ITGA8: variants seen among roughly 807,000 people sequenced by gnomAD.
The protein encoded by ITGA8 is integrin alpha-8.
ITGA8 carries 91 observed loss-of-function variants against 142.3 expected under a neutral mutation model. That is an observed-to-expected ratio of 0.64 (90% CI 0.54 to 0.76). The LOEUF is 0.76. ITGA8 is among the 30% of genes least tolerant of loss of function. ITGA8 has a pLI of 0.00. For synonymous variants in ITGA8, 505 were observed against 485.2 expected, an observed-to-expected ratio of 1.04 and a Z score of -0.54; for missense variants, 1,406 against 1,327.7, an observed-to-expected ratio of 1.06 and a Z score of -0.92.
intron 27 of ITGA8, among the ~76,000 whole-genome samples, chr10:15,540,403 T>G (rs1476975794): frequency 1.3e-5 from 2 of 152,208 alleles, no homozygotes; most frequent in Non-Finnish European, 2.9e-5. Context: ...TGTCTTTCTG[T>G]GCCTGGCTTA....
Position 15,548,206 on chromosome 10 carries a change from C to T in ITGA8, c.2880+249G>A, listed in dbSNP as rs1036963933. 2.0e-5 allele frequency among the ~76,000 whole-genome samples: 3 copies of T among 151,830 alleles called. No homozygotes were observed. The South Asian group carries it at 6.2e-4, about 32-fold the overall frequency. On this transcript the variant is annotated intron_variant, in intron 27 of 29. Coordinates refer to ENST00000378076, the MANE Select transcript of ITGA8 (RefSeq NM_003638.3). ...TCCTGGGTTCAAGGGATTCTCATGC[C>T]TCAGTCTCCCAAGTAGCTGGGACCA...
At chr10:15,595,004 T>C (rs1210826330) in intron 21 of ITGA8, among the ~76,000 whole-genome samples, 2 of 152,176 alleles carry the variant, frequency 1.3e-5, no homozygotes, top group East Asian at 3.8e-4. Context: ...TCTCATGGCA[T>C]TGATTTTAAA....
chr10:15,714,011 C>A (rs1308540476), intron 2 of ITGA8, among the ~76,000 whole-genome samples: 1 of 152,162 alleles, frequency 6.6e-6, no homozygotes, highest in Non-Finnish European at 1.5e-5. Context: ...CTTATGTGGG[C>A]TCCTAACTGT....
chr10:15,600,555 G>A (rs1257003080), intron 20 of ITGA8, among the ~76,000 whole-genome samples: 1 of 152,178 alleles, frequency 6.6e-6, no homozygotes, highest in Admixed American at 6.5e-5. Flanking sequence ...ATTTAGCGAT[G>A]AGGCTGAAGA....
At chr10:15,666,752 C>A (rs1259146983) in intron 8 of ITGA8, among the ~76,000 whole-genome samples, 1 of 152,112 alleles carries the variant, frequency 6.6e-6, no homozygotes, top group African/African-American at 2.4e-5. Flanking sequence ...TTGTCAAAGG[C>A]CTTTTCTGCA....
intron 2 of ITGA8, among the ~76,000 whole-genome samples, chr10:15,709,806 G>C (rs980379839): frequency 3.9e-5 from 6 of 152,128 alleles, no homozygotes; most frequent in African/African-American, 1.4e-4. Context: ...AGTTAATCTA[G>C]AATGAAAACA....
intron 26 of ITGA8, among the ~76,000 whole-genome samples, chr10:15,554,514 A>G (rs1208856583): frequency 1.3e-5 from 2 of 151,182 alleles, no homozygotes; most frequent in East Asian, 3.9e-4. Flanking sequence ...TGTCTCCTGT[A>G]TTGGAACTCT....
chr10:15,634,838 G>C (rs1016192157), intron 13 of ITGA8, among the ~76,000 whole-genome samples: 46 of 152,042 alleles, frequency 3.0e-4, no homozygotes, highest in African/African-American at 1.1e-3. Context: ...TTCATTAATA[G>C]CTCATTGTAC....
chr10:15,536,882 T>C (rs1350841870), intron 27 of ITGA8, among the ~76,000 whole-genome samples: 1 of 152,202 alleles, frequency 6.6e-6, no homozygotes, highest in African/African-American at 2.4e-5. Context: ...ACACAAGCTC[T>C]CCCACTCCCA....
chr10:15,655,863 G>A (rs1372802409), intron 10 of ITGA8, among the ~76,000 whole-genome samples: 1 of 152,114 alleles, frequency 6.6e-6, no homozygotes, highest in East Asian at 1.9e-4. Flanking sequence ...AGGCAAGAGG[G>A]TCACTTGAGT....
At chr10:15,661,045 G>A (rs1201399038) in intron 8 of ITGA8, 123 bp from the exon 9 acceptor site, 1 of 879,898 alleles carries the variant, frequency 1.1e-6, no homozygotes, top group Non-Finnish European at 1.8e-6. Context: ...ATACAGAGCA[G>A]GGGTCCCCAA....
intron 12 of ITGA8, among the ~76,000 whole-genome samples, chr10:15,645,271 C>T (rs1833959580): frequency 6.6e-6 from 1 of 152,134 alleles, no homozygotes; most frequent in East Asian, 1.9e-4. Context: ...ATGATTTTAC[C>T]TACTTTGTAT....
chr10:15,620,392 G>A (rs1019137907), intron 13 of ITGA8, among the ~76,000 whole-genome samples: 2 of 152,072 alleles, frequency 1.3e-5, no homozygotes, highest in Admixed American at 6.6e-5. Context: ...GTCATTATAC[G>A]TGAGAATTTG....
At chr10:15,607,161 G>T (rs1241584206) in intron 17 of ITGA8, among the ~76,000 whole-genome samples, 1 of 152,204 alleles carries the variant, frequency 6.6e-6, no homozygotes, top group Non-Finnish European at 1.5e-5. Flanking sequence ...GCAAGGTGAA[G>T]ATAGGTAATT....
intron 19 of ITGA8, among the ~76,000 whole-genome samples, chr10:15,604,943 A>C (rs1267656813): frequency 1.3e-5 from 2 of 152,194 alleles, no homozygotes; most frequent in East Asian, 3.9e-4. Flanking sequence ...TTAGAACTGC[A>C]AATCAAGCCA....
At chr10:15,707,390 A>C (rs1835279480) in intron 2 of ITGA8, among the ~76,000 whole-genome samples, 1 of 152,166 alleles carries the variant, frequency 6.6e-6, no homozygotes, top group Non-Finnish European at 1.5e-5. Context: ...AGAGCCAAGG[A>C]ATGTGGGTCA....
At chr10:15,621,969 C>G (rs1459578532) in intron 13 of ITGA8, among the ~76,000 whole-genome samples, 2 of 151,986 alleles carry the variant, frequency 1.3e-5, no homozygotes, top group African/African-American at 4.8e-5. Context: ...ACCAGCCTGG[C>G]CAATGTGGTG....
Position 15,669,253 on chromosome 10 carries a change from C to T in ITGA8, c.847+2350G>A, listed in dbSNP as rs553185742. Among the ~76,000 whole-genome samples the T allele has an allele frequency of 2.0e-5, 3 of 152,270 alleles. No individual in the cohort carries two copies. In the East Asian group the frequency reaches 5.8e-4, roughly 29 times the overall value. On this transcript the variant is annotated intron_variant, in intron 8 of 29. Transcript: ENST00000378076. ...TTTTTTCTCTAAACTTCTCTTCTTGCTTCATTTCATTCATTTTGTCTTCCA... is the reference window on the plus strand; with the variant it reads ...TTTTTTCTCTAAACTTCTCTTCTTGTTTCATTTCATTCATTTTGTCTTCCA...
At chr10:15,561,663 T>C (rs528495982) in intron 25 of ITGA8, among the ~76,000 whole-genome samples, 30 of 152,140 alleles carry the variant, frequency 2.0e-4, no homozygotes, top group Non-Finnish European at 2.1e-4. Context: ...GAAATGGAGA[T>C]ACTTGATGTA....
Sources: allele counts gnomAD v4.1 joint callset (sites outside exome capture counted in the v4.1 genomes callset), GRCh38; gene constraint gnomAD v4.1.1; transcripts MANE v1.5; gene names NCBI Gene and HGNC (gene_info 2026-07-23, HGNC 2026-07-21).